The following MIS18BP1 variants were observed in gnomAD, a reference collection of about 807,000 sequenced individuals.
MIS18BP1 encodes the protein MIS18 binding protein 1.
Under a neutral mutation model 116.1 loss-of-function variants are expected in MIS18BP1, and 72 were observed. The observed-to-expected ratio is 0.62, with a 90% CI of 0.51 to 0.75. The LOEUF is 0.75. Ranked by LOEUF, MIS18BP1 falls within the 30% of genes least tolerant of loss-of-function variation. The probability of loss-of-function intolerance (pLI) is 0.00; values close to 1 mark genes in which losing one functional copy is unlikely to be tolerated. For synonymous variants in MIS18BP1, 386 were observed against 427.0 expected, an observed-to-expected ratio of 0.90 and a Z score of 1.18; for missense variants, 1,363 against 1,303.2, an observed-to-expected ratio of 1.05 and a Z score of -0.71.
At chr14:45,217,923 G>A (rs1006179948) in intron 12 of MIS18BP1, among the ~76,000 whole-genome samples, 1 of 152,162 alleles carries the variant, frequency 6.6e-6, no homozygotes, top group African/African-American at 2.4e-5. Flanking sequence ...ACAGGAGTAT[G>A]TAATCATGGG....
In MIS18BP1 at chr14:45,218,270, T is replaced by G. The variant is rs1890876546; in HGVS notation, c.2842+12A>C. The G allele has an allele frequency of 1.9e-6, 3 of 1,612,630 alleles. No homozygotes were observed. Among genetic ancestry groups the G allele is most frequent in the African/African-American group, 1.3e-5 (1 of 74,812 alleles). ...GAGTACTAGGAAAAAAACTATTTAC[T>G]ACGAAGGTTACCATTTTGGCCTTTG... On this transcript the variant is annotated intron_variant, in intron 12 of 16. Transcript: ENST00000310806.
At chr14:45,216,398 T>C (rs1020804243) in intron 13 of MIS18BP1, among the ~76,000 whole-genome samples, 1 of 152,220 alleles carries the variant, frequency 6.6e-6, no homozygotes, top group African/African-American at 2.4e-5. Context: ...TACATAAATA[T>C]AATTTACTTT....
chr14:45,232,746 G>A lies in MIS18BP1; in HGVS notation c.1423C>T (p.Leu475=). The A allele has an allele frequency of 6.9e-7, 1 of 1,458,108 alleles. No homozygotes were observed. Among genetic ancestry groups the A allele is most frequent in the East Asian group, 2.5e-5 (1 of 40,446 alleles). 90.3% of individuals were successfully genotyped at this position (1,458,108 alleles called of 1,614,324 possible). A position where few individuals can be genotyped will look rare whatever the true frequency, so the allele number is the denominator to read the frequency against. The part of the protein sequence containing the change: ...ENWKEHIDNF[L]EQLRAGEKNR... ...ACAACATTTTACCTTAATTGTTCCA[G>A]AAAATTATCAATGTGCTCTTTCCAA... Residue 475 remains leucine (L), a synonymous_variant, in exon 7 of 17, where the codon CTG becomes TTG. Transcript: ENST00000310806.
At chr14:45,206,434 G>A (rs1250278013) in intron 14 of MIS18BP1, 7 of 305,518 alleles carry the variant, frequency 2.3e-5, no homozygotes, top group Admixed American at 1.5e-4. Flanking sequence ...CTACAGGCAC[G>A]TGCCATCATG....
chr14:45,247,378 C>T lies in MIS18BP1; in HGVS notation c.-91-1G>A, dbSNP rs1400673087. The T allele has an allele frequency of 3.7e-6, 4 of 1,092,458 alleles. No individual in the cohort carries two copies. The highest frequency in any genetic ancestry group is 1.6e-5 in the African/African-American group (1 of 63,134). 67.7% of individuals were successfully genotyped at this position (1,092,458 alleles called of 1,614,324 possible). On this transcript the variant is annotated splice_acceptor_variant, in intron 1 of 16. Coordinates refer to ENST00000310806, the MANE Select transcript of MIS18BP1 (RefSeq NM_018353.5). LOFTEE classifies it low-confidence loss of function (5UTR_SPLICE). ...AACTTCAGAAGGGATCCACAGAAAC[C>T]TGTAGTTCAACGTAAAATCAGCCTT...
intron 14 of MIS18BP1, among the ~76,000 whole-genome samples, chr14:45,208,136 A>AT (rs1346388553): frequency 6.6e-6 from 1 of 152,190 alleles, no homozygotes; most frequent in Non-Finnish European, 1.5e-5. Context: ...TTTTTCTGTC[A>AT]TTAAATTCTT....
intron 1 of MIS18BP1, among the ~76,000 whole-genome samples, chr14:45,248,828 T>C (rs1215207374): frequency 6.6e-6 from 1 of 152,180 alleles, no homozygotes; most frequent in East Asian, 1.9e-4. Context: ...TGCAAATACA[T>C]ATTAACGCAT....
At position 45,242,213 on chromosome 14, in the gene MIS18BP1, T is replaced by A. The variant is rs1479823082; in HGVS notation, c.964A>T (p.Asn322Tyr). The A allele has an allele frequency of 6.2e-7, 1 of 1,614,150 alleles. No homozygotes were observed. Among genetic ancestry groups the A allele is most frequent in the Non-Finnish European group, 8.5e-7 (1 of 1,180,004 alleles). Reference protein sequence around the residue: ...GTSQQKVKEGNGKTVPGETGL... With the variant: ...GTSQQKVKEGYGKTVPGETGL... Reference sequence around the variant, plus strand: ...GTCTCTCCAGGCACTGTTTTTCCATTTCCTTCCTTAACTTTCTGTTGCGAA... The same window carrying A: ...GTCTCTCCAGGCACTGTTTTTCCATATCCTTCCTTAACTTTCTGTTGCGAA... The change falls in exon 4 of 17, where the codon AAT becomes TAT. Residue 322 changes from asparagine to tyrosine, a missense_variant. Coordinates refer to ENST00000310806, the MANE Select transcript of MIS18BP1 (RefSeq NM_018353.5).
At position 45,237,689 on chromosome 14, in the gene MIS18BP1, G is replaced by A; in HGVS notation, c.1176C>T (p.Ser392=). The part of the protein sequence containing the change: ...VVQLQEWMIK[S]INNNTAICVE... ...CACATATAGCAGTATTATTATTGAT[G>A]CTTTTAATCATCCATTCCTGTAGCT... The change falls in exon 5 of 17, where the codon AGC becomes AGT. Residue 392 remains serine, a synonymous_variant. Coordinates refer to ENST00000310806, the MANE Select transcript of MIS18BP1 (RefSeq NM_018353.5). The A allele has an allele frequency of 3.7e-6, 6 of 1,602,022 alleles. No homozygotes were observed. The highest frequency in any genetic ancestry group is 5.1e-6 in the Non-Finnish European group (6 of 1,175,782).
chr14:45,242,669 A>G lies in MIS18BP1; in HGVS notation c.658+92T>C, dbSNP rs150495842. ...ACGATTCAAGCTTTTGTCCACAGCT[A>G]AAGTTTAATGCCCACACAAGGAAAG... is the stretch of plus-strand genomic sequence containing the variant. On this transcript the variant is annotated intron_variant, in intron 3 of 16. Transcript: ENST00000310806. The G allele has an allele frequency of 6.2e-6, 9 of 1,453,656 alleles. No individual in the cohort carries two copies. In the South Asian group the frequency reaches 6.7e-5, roughly 11 times the overall value. 90.0% of individuals were successfully genotyped at this position (1,453,656 alleles called of 1,614,324 possible). A position where few individuals can be genotyped will look rare whatever the true frequency, so the allele number is the denominator to read the frequency against.
At chr14:45,217,536 A>G (rs1890856522) in intron 12 of MIS18BP1, among the ~76,000 whole-genome samples, 1 of 152,208 alleles carries the variant, frequency 6.6e-6, no homozygotes, top group Admixed American at 6.5e-5. Context: ...GATTTGTGCA[A>G]TATGATTAGC....
Position 45,227,732 on chromosome 14 carries a change from T to C in MIS18BP1, c.1677A>G (p.Thr559=), listed in dbSNP as rs1473485247. ...TTACTTGGTCATCTGGGAACCTTAA[T>C]GTTGGTTTATTTTGGCAATTACTGT... ...MCHSNCQNKP[T]LRFPDDQVNN... is the part of the protein sequence containing the mutation. The change falls in exon 9 of 17, where the codon ACA becomes ACG. Residue 559 remains threonine, a synonymous_variant. Transcript: ENST00000310806. 2.5e-6 allele frequency: 4 copies of C among 1,613,942 alleles called. No individual in the cohort carries two copies. Among genetic ancestry groups the C allele is most frequent in the African/African-American group, 2.7e-5 (2 of 75,056 alleles).
rs776829243 is a variant in MIS18BP1, at chr14:45,231,222, T to C, written c.1513A>G (p.Met505Val). ...GRSVRDIRKS[M>V]KNDARENQTD... ...TGGTTTTCTCGTGCATCATTTTTCA[T>C]TGATTTCCTTATGTCACGGACAGAT... Residue 505 changes from methionine (M) to valine (V), a missense_variant, in exon 8 of 17, where the codon ATG becomes GTG. Coordinates refer to ENST00000310806, the MANE Select transcript of MIS18BP1 (RefSeq NM_018353.5). The C allele has an allele frequency of 9.3e-6, 15 of 1,613,934 alleles. No individual in the cohort carries two copies. Among genetic ancestry groups the C allele is most frequent in the African/African-American group, 4.0e-5 (3 of 74,940 alleles).
At chr14:45,234,652 T>C (rs1023904612) in intron 6 of MIS18BP1, among the ~76,000 whole-genome samples, 5 of 152,032 alleles carry the variant, frequency 3.3e-5, no homozygotes, top group African/African-American at 9.7e-5. Flanking sequence ...GGAGAGTGAA[T>C]GAATTAGGGA....
intron 2 of MIS18BP1, among the ~76,000 whole-genome samples, chr14:45,246,327 C>T (rs1354292758): frequency 6.6e-6 from 1 of 152,188 alleles, no homozygotes; most frequent in Admixed American, 6.5e-5. Flanking sequence ...CATAGCTAGT[C>T]CTTCAACATG....
intron 10 of MIS18BP1, among the ~76,000 whole-genome samples, chr14:45,225,628 C>T (rs897945671): frequency 6.6e-6 from 1 of 152,060 alleles, no homozygotes; most frequent in Non-Finnish European, 1.5e-5. Context: ...ATGAATCCCC[C>T]CAAACACCAT....
chr14:45,237,812 C>T lies in MIS18BP1; in HGVS notation c.1144-91G>A, dbSNP rs1023212310. On this transcript the variant is annotated intron_variant, in intron 4 of 16. Transcript: ENST00000310806. ...ACTTACATTAAAAGAAAAAACTTGT[C>T]TAAGTAATCCAAATATTCCTTAGTG... is the stretch of plus-strand genomic sequence containing the variant. 9.6e-6 allele frequency: 14 copies of T among 1,462,654 alleles called. No individual in the cohort carries two copies. In the Admixed American group the frequency reaches 3.6e-4, roughly 38 times the overall value. The allele number at this position is 1,462,654 out of a possible 1,614,324, so 90.6% of individuals were successfully genotyped here.
At chr14:45,230,884 GT>G (rs1385475836) in intron 8 of MIS18BP1, among the ~76,000 whole-genome samples, 1 of 152,192 alleles carries the variant, frequency 6.6e-6, no homozygotes, top group African/African-American at 2.4e-5. Context: ...GCCTCCCAAA[GT>G]GCTGGGATTA....
At chr14:45,212,960 C>A (rs968190239) in intron 13 of MIS18BP1, among the ~76,000 whole-genome samples, 2 of 152,214 alleles carry the variant, frequency 1.3e-5, no homozygotes, top group Non-Finnish European at 2.9e-5. Flanking sequence ...TTGCTTCCTG[C>A]TTTAAAGTGT....
Sources: allele counts gnomAD v4.1 joint callset (sites outside exome capture counted in the v4.1 genomes callset), GRCh38; gene constraint gnomAD v4.1.1; transcripts MANE v1.5; gene names NCBI Gene and HGNC (gene_info 2026-07-23, HGNC 2026-07-21).